Variants in P4HA1 observed in about 807,000 individuals in gnomAD.
P4HA1 encodes prolyl 4-hydroxylase subunit alpha-1.
A neutral mutation model predicts 72.8 loss-of-function variants in P4HA1; 24 were observed. The observed-to-expected ratio is 0.33, with a 90% CI of 0.24 to 0.46. P4HA1 has a LOEUF of 0.46. Ranked by LOEUF, P4HA1 falls within the 20% of genes least tolerant of loss-of-function variation. The pLI is 1.00. For missense variants in P4HA1, 446 were observed against 640.6 expected, an observed-to-expected ratio of 0.70 and a Z score of 3.28; for synonymous variants, 201 against 218.8, an observed-to-expected ratio of 0.92 and a Z score of 0.72.
At chr10:73,085,911 G>A (rs932087763) in intron 1 of P4HA1, among the ~76,000 whole-genome samples, 4 of 152,064 alleles carry the variant, frequency 2.6e-5, no homozygotes, top group Non-Finnish European at 4.4e-5. Flanking sequence ...GAGGATCACT[G>A]GAGTCTAGGA....
At chr10:73,012,336 C>G (rs1255423195) in intron 12 of P4HA1, among the ~76,000 whole-genome samples, 1 of 152,136 alleles carries the variant, frequency 6.6e-6, no homozygotes, top group Non-Finnish European at 1.5e-5. Context: ...AAAAGTCTGA[C>G]AAACATACTT....
intron 1 of P4HA1, among the ~76,000 whole-genome samples, chr10:73,095,321 C>T (rs12260669): frequency 0.026 from 3,909 of 149,188 alleles, 169 homozygotes; most frequent in African/African-American, 0.085. Context: ...CTTTCAGCTT[C>T]TTGAATATAT....
chr10:73,074,039 C>G (rs1430988905), intron 2 of P4HA1: 1 of 533,994 alleles, frequency 1.9e-6, no homozygotes, highest in African/African-American at 1.9e-5. Flanking sequence ...TTTTAAGCCA[C>G]TTGATTTTGC....
chr10:73,084,705 T>C (rs1156392471), intron 1 of P4HA1, among the ~76,000 whole-genome samples: 6 of 152,192 alleles, frequency 3.9e-5, no homozygotes, highest in Admixed American at 3.9e-4. Flanking sequence ...GACCGTTATA[T>C]ACAAAGAATA....
chr10:73,014,209 T>G lies in P4HA1; in HGVS notation c.1368+15A>C, dbSNP rs1430165235. 2 of 1,579,374 alleles carry G rather than the reference T, an allele frequency of 1.3e-6. No individual in the cohort carries two copies. Among genetic ancestry groups the G allele is most frequent in the South Asian group, 1.1e-5 (1 of 90,080 alleles). On this transcript the variant is annotated intron_variant, in intron 12 of 14. Coordinates refer to ENST00000394890, the MANE Select transcript of P4HA1 (RefSeq NM_001017962.3). ...CAAATCCCAACTTAATCTAAAAATT[T>G]TAGTGACGACTTACATAAAACAGCC...
At chr10:73,077,851 C>T (rs1482040691) in intron 1 of P4HA1, among the ~76,000 whole-genome samples, 3 of 150,498 alleles carry the variant, frequency 2.0e-5, no homozygotes, top group African/African-American at 4.9e-5. Context: ...TAGCTGGGTA[C>T]GGTGGCATAC....
intron 10 of P4HA1, among the ~76,000 whole-genome samples, chr10:73,021,497 G>A (rs1840133953): frequency 1.3e-5 from 2 of 152,182 alleles, no homozygotes; most frequent in Non-Finnish European, 2.9e-5. Context: ...TAAGAAGAAT[G>A]TAATCTTATC....
intron 5 of P4HA1, among the ~76,000 whole-genome samples, chr10:73,057,853 T>G (rs1841188369): frequency 6.6e-6 from 1 of 151,638 alleles, no homozygotes; most frequent in Admixed American, 6.6e-5. Flanking sequence ...TTGAGCACTT[T>G]GGGAGGCAGA....
chr10:73,051,166 A>G lies in P4HA1; in HGVS notation c.787T>C (p.Ser263Pro), dbSNP rs1841011210. 1 of 1,611,628 alleles carries G rather than the reference A, an allele frequency of 6.2e-7. No homozygotes were observed. Among genetic ancestry groups the G allele is most frequent in the Admixed American group, 1.7e-5 (1 of 60,002 alleles). The change falls in exon 7 of 15, where the codon TCA becomes CCA. Residue 263 changes from serine to proline, a missense_variant. By Grantham distance (74) the Ser-to-Pro change is moderately conservative. Coordinates refer to ENST00000394890, the MANE Select transcript of P4HA1 (RefSeq NM_001017962.3). ...GTTTTCTGATCAGATTGGTCATCTG[A>G]AGCAGACTTATTGACATCTTTTTCT... ...AKEKDVNKSASDDQSDQKTTP... is the reference protein window; with the variant it reads ...AKEKDVNKSAPDDQSDQKTTP...
At chr10:73,049,128 A>AAAAAAAAAAG (rs144626644) in intron 7 of P4HA1, among the ~76,000 whole-genome samples, 71 of 151,066 alleles carry the variant, frequency 4.7e-4, no homozygotes, top group African/African-American at 9.6e-4. Context: ...GAGAAAAAAA[A>AAAAAAAAAAG]AAGAAAATAA....
rs78136135 is a variant in P4HA1 at position 73,060,579 on chromosome 10, A to C, written c.464-6989T>G. Among the ~76,000 whole-genome samples, 159 of 152,250 alleles carry C rather than the reference A, an allele frequency of 1.0e-3. 3 individuals carry two copies. In the East Asian group the frequency reaches 0.029, roughly 28 times the overall value. ...AGCCTGAGCAACATGGCAAGAACCT[A>C]TCTCTTAAGGGGGGAAAAAGAAGGG... On this transcript the variant is annotated intron_variant, in intron 5 of 14. Transcript: ENST00000394890.
chr10:73,089,056 G>GA (rs1449247908), intron 1 of P4HA1, among the ~76,000 whole-genome samples: 1 of 152,170 alleles, frequency 6.6e-6, no homozygotes, highest in Non-Finnish European at 1.5e-5. Context: ...GAAATGTGCT[G>GA]AATCTATAAA....
Position 73,053,564 on chromosome 10 carries a change from C to T in P4HA1, c.490G>A (p.Ala164Thr), listed in dbSNP as rs867364485. Residue 164 changes from alanine to threonine, a missense_variant, in exon 6 of 15, where the codon GCT becomes ACT. Coordinates refer to ENST00000394890, the MANE Select transcript of P4HA1 (RefSeq NM_001017962.3). ...TTGCCCAACTCAAAGCAGTCCTCAGCCGTTAGAAAAGATTTGTGTTTCACT... is the reference window on the plus strand; with the variant it reads ...TTGCCCAACTCAAAGCAGTCCTCAGTCGTTAGAAAAGATTTGTGTTTCACT... ...PGVKHKSFLT[A>T]EDCFELGKVA... is the part of the protein sequence containing the mutation. The T allele has an allele frequency of 6.2e-7, 1 of 1,613,750 alleles. No homozygotes were observed. Among genetic ancestry groups the T allele is most frequent in the African/African-American group, 1.3e-5 (1 of 74,902 alleles).
chr10:73,086,461 C>T (rs1324797639), intron 1 of P4HA1, among the ~76,000 whole-genome samples: 1 of 152,094 alleles, frequency 6.6e-6, no homozygotes, highest in African/African-American at 2.4e-5. Context: ...AGGCAAGGGA[C>T]AATGGGAGTG....
At chr10:73,038,627 T>TAATAGTGGAAAAGACAGAGATGAC (rs1564625307) in intron 9 of P4HA1, among the ~76,000 whole-genome samples, 2 of 122,556 alleles carry the variant, frequency 1.6e-5, no homozygotes, top group East Asian at 2.6e-4. Context: ...ATTTGCTTTT[T>TAATAGTGGAAAAGACAGAGATGAC]TTTTTTTTTT....
chr10:73,074,939 A>G, intron 1 of P4HA1, 24 bp from the exon 2 acceptor site: 1 of 768,132 alleles, frequency 1.3e-6, no homozygotes, highest in Non-Finnish European at 2.2e-6. Context: ...AGAGAAATGC[A>G]GCCATTACTT....
chr10:73,083,902 C>T (rs1466670242), intron 1 of P4HA1, among the ~76,000 whole-genome samples: 4 of 152,178 alleles, frequency 2.6e-5, no homozygotes, highest in Non-Finnish European at 5.9e-5. Flanking sequence ...TTGTTTTTCT[C>T]TTCCCTCAAC....
chr10:73,042,722 T>A (rs893426053), intron 9 of P4HA1, among the ~76,000 whole-genome samples: 1 of 151,732 alleles, frequency 6.6e-6, no homozygotes, highest in Non-Finnish European at 1.5e-5. Context: ...AGGGGTGGAG[T>A]CACTAGAGGT....
At chr10:73,016,937 T>C (rs759684938) in intron 10 of P4HA1, 38 bp from the exon 11 acceptor site, 1 of 1,524,036 alleles carries the variant, frequency 6.6e-7, no homozygotes. Flanking sequence ...AAAAGAACTA[T>C]AAAGATTACT....
Sources: gnomAD v4.1 joint callset for allele counts (sites outside exome capture counted in the v4.1 genomes callset) on GRCh38, gnomAD v4.1.1 for gene constraint, MANE v1.5 for transcripts, NCBI Gene and HGNC (gene_info 2026-07-23, HGNC 2026-07-21) for gene names.